The following DNAH5 variants were observed in gnomAD, a reference collection of about 807,000 sequenced individuals.
The protein encoded by DNAH5 is dynein axonemal heavy chain 5.
In DNAH5, 372 loss-of-function variants were observed where a neutral mutation model predicts 518.2. That is an observed-to-expected ratio of 0.72 (90% CI 0.66 to 0.78). The LOEUF (loss-of-function observed/expected upper bound fraction) is 0.78. Among genes scored for constraint, DNAH5 ranks in the 30% least tolerant of loss-of-function variants. DNAH5 has a pLI of 0.00. For missense variants in DNAH5, 5,523 were observed against 5,687.0 expected, an observed-to-expected ratio of 0.97 and a Z score of 0.93; for synonymous variants, 2,039 against 2,025.9, an observed-to-expected ratio of 1.01 and a Z score of -0.17.
Position 13,867,943 on chromosome 5 carries a change from T to A in DNAH5, c.3884A>T (p.Glu1295Val), listed in dbSNP as rs1469095338. Residue 1295 changes from glutamate to valine, a missense_variant, in exon 25 of 79, where the codon GAG becomes GTG. Around this residue, in one of 3 missense-constraint regions of DNAH5, gnomAD observed 5,121 missense variants for 5,223.3 expected, o/e 0.98. Transcript: ENST00000265104. ...NRYGLLIARE[E>V]IDKVDTLHYA... ...GTGCAGTGTATCAACTTTGTCTATC[T>A]CTTCCCTTGCTATCAGAAGTCCATA... is the stretch of plus-strand genomic sequence containing the variant. 1.9e-6 allele frequency: 3 copies of A among 1,614,064 alleles called. No individual in the cohort carries two copies. Among genetic ancestry groups the A allele is most frequent in the South Asian group, 2.2e-5 (2 of 91,080 alleles).
At chr5:13,825,915 G>A (rs1308084354) in intron 38 of DNAH5, among the ~76,000 whole-genome samples, 2 of 152,198 alleles carry the variant, frequency 1.3e-5, no homozygotes, top group Non-Finnish European at 2.9e-5. Flanking sequence ...CTTCTGCTAA[G>A]GTAATTGGGA....
In DNAH5 at chr5:13,998,894, C is replaced by T. The variant is rs548532711; in HGVS notation, c.12+12754G>A. ...ATTGATTACTTCTTTTTTCTTGAAA[C>T]GGGGTCTCACTCTGTTACCCAGGCT... On this transcript the variant is annotated intron_variant, in intron 1 of 78. Transcript: ENST00000681290. 1.7e-4 allele frequency among the ~76,000 whole-genome samples: 26 copies of T among 152,228 alleles called. No homozygotes were observed. The East Asian group carries it at 4.2e-3, about 25-fold the overall frequency.
rs1445805 is a variant in DNAH5 at position 13,876,496 on chromosome 5, T to C, written c.3396+188A>G. Among the ~76,000 whole-genome samples, 150,567 of 152,354 alleles carry C rather than the reference T, an allele frequency of 0.99. 74,406 individuals are homozygous for C. Among genetic ancestry groups the C allele is most frequent in the East Asian group, 1 (5,190 of 5,190 alleles). ...ACAATATGAGAGTAGGAATAATTTT[T>C]TTTCACCTTGCAATCTAGAATGAAA... On this transcript the variant is annotated intron_variant, in intron 22 of 78. Coordinates refer to ENST00000265104, the MANE Select transcript of DNAH5 (RefSeq NM_001369.3).
intron 70 of DNAH5, 110 bp from the exon 71 acceptor site, chr5:13,721,355 G>T: frequency 7.5e-7 from 1 of 1,334,548 alleles, no homozygotes; most frequent in Non-Finnish European, 1.1e-6. Context: ...GATGTCCACA[G>T]TAACCCTGTC....
chr5:13,981,498 C>T (rs972698838), intron 1 of DNAH5, among the ~76,000 whole-genome samples: 33 of 152,310 alleles, frequency 2.2e-4, no homozygotes, highest in African/African-American at 7.9e-4. Context: ...CCTCTCTCCC[C>T]ATCCCTTGCC....
chr5:13,867,714 A>T (rs375506585), intron 25 of DNAH5, 60 bp downstream of exon 25: 5 of 1,297,688 alleles, frequency 3.9e-6, no homozygotes, highest in Non-Finnish European at 5.6e-6. Flanking sequence ...AGACAACTAC[A>T]TTTTGCATGT....
chr5:13,779,897 A>G (rs1754838109), intron 53 of DNAH5, among the ~76,000 whole-genome samples: 1 of 152,250 alleles, frequency 6.6e-6, no homozygotes. Flanking sequence ...CAGCCTTATA[A>G]CTATTCTATT....
chr5:13,950,656 T>A (rs377053989), intron 1 of DNAH5, among the ~76,000 whole-genome samples: 1 of 152,350 alleles, frequency 6.6e-6, no homozygotes, highest in East Asian at 1.9e-4. Flanking sequence ...GGGTTGTGAA[T>A]GAAGACATGT....
intron 1 of DNAH5, among the ~76,000 whole-genome samples, chr5:13,966,427 G>A (rs576183495): frequency 9.4e-4 from 143 of 152,234 alleles, no homozygotes; most frequent in Non-Finnish European, 1.9e-3. Flanking sequence ...AGTTCCTTAC[G>A]GAATCTTCAC....
chr5:13,885,274 T>C (rs1268695354), intron 18 of DNAH5, 46 bp from the exon 19 acceptor site: 2 of 1,604,702 alleles, frequency 1.2e-6, no homozygotes, highest in Non-Finnish European at 1.7e-6. Context: ...GTTAGATGGA[T>C]GGATGGATAG....
chr5:13,991,350 C>T (rs1783525539), intron 1 of DNAH5, among the ~76,000 whole-genome samples: 1 of 152,126 alleles, frequency 6.6e-6, no homozygotes, highest in Non-Finnish European at 1.5e-5. Flanking sequence ...AAGATGGCTG[C>T]CCTGCTTAGT....
Position 13,862,559 on chromosome 5 carries a change from T to C in DNAH5, c.4785A>G (p.Leu1595=). The part of the protein sequence containing the change: ...MEDSLMLLGS[L]LSNRYNMPFK... ...GATGGTTTTCCCACCTGTTGCTCAG[T>C]AGGGATCCCAGCAACATCAAGCTGT... Residue 1595 remains leucine, a synonymous_variant, in exon 29 of 79, where the codon CTA becomes CTG. Transcript: ENST00000265104. The C allele has an allele frequency of 3.7e-6, 6 of 1,613,924 alleles. No individual in the cohort carries two copies. The highest frequency in any genetic ancestry group is 4.2e-6 in the Non-Finnish European group (5 of 1,179,854).
At chr5:13,721,344 T>G in intron 70 of DNAH5, 99 bp from the exon 71 acceptor site, 3 of 1,440,978 alleles carry the variant, frequency 2.1e-6, no homozygotes, top group Non-Finnish European at 2.9e-6. Context: ...ATTATCTCAG[T>G]GATGTCCACA....
rs1759534307 is a variant in DNAH5 at position 13,806,045 on chromosome 5, A to C, written c.7887+1546T>G. ...CATTAGAAAATCACCCCACATAATGAAAAAATAATCACACTCTGATCTGAT... is the reference window on the plus strand; with the variant it reads ...CATTAGAAAATCACCCCACATAATGCAAAAATAATCACACTCTGATCTGAT... On this transcript the variant is annotated intron_variant, in intron 47 of 78. Transcript: ENST00000265104. Among the ~76,000 whole-genome samples the C allele has an allele frequency of 2.0e-5, 3 of 152,206 alleles. No individual in the cohort carries two copies. The South Asian group carries it at 6.2e-4, about 31-fold the overall frequency.
intron 1 of DNAH5, among the ~76,000 whole-genome samples, chr5:13,973,462 C>A (rs895199726): frequency 6.6e-6 from 1 of 152,200 alleles, no homozygotes; most frequent in African/African-American, 2.4e-5. Context: ...TAAGCTCGAA[C>A]CCATGAGATG....
chr5:13,738,695 C>T (rs1747950890), intron 65 of DNAH5, among the ~76,000 whole-genome samples: 1 of 151,998 alleles, frequency 6.6e-6, no homozygotes, highest in African/African-American at 2.4e-5. Flanking sequence ...CGTGTGACAC[C>T]AAGCAAGCCA....
chr5:13,701,666 A>C (rs1428105789), intron 76 of DNAH5, among the ~76,000 whole-genome samples: 3 of 152,238 alleles, frequency 2.0e-5, no homozygotes, highest in Non-Finnish European at 4.4e-5. Flanking sequence ...TAGTCATCAC[A>C]TGAACATCTG....
intron 32 of DNAH5, among the ~76,000 whole-genome samples, chr5:13,842,717 G>T (rs1220732771): frequency 6.6e-6 from 1 of 151,978 alleles, no homozygotes; most frequent in Non-Finnish European, 1.5e-5. Flanking sequence ...TCAGTTTCAG[G>T]GCCCCTCACT....
At chr5:13,808,276 C>G (rs1759983847) in intron 46 of DNAH5, among the ~76,000 whole-genome samples, 1 of 148,498 alleles carries the variant, frequency 6.7e-6, no homozygotes, top group African/African-American at 2.5e-5. Context: ...CAAAGAAACA[C>G]CATGGGAAGA....
Sources: gnomAD v4.1 joint callset for allele counts (sites outside exome capture counted in the v4.1 genomes callset) on GRCh38, gnomAD v4.1.1 for gene constraint, gnomAD v4.1.1 regional missense constraint, MANE v1.5 for transcripts, NCBI Gene and HGNC (gene_info 2026-07-23, HGNC 2026-07-21) for gene names.